The following CHCHD3 variants were observed in gnomAD, a reference collection of about 807,000 sequenced individuals.
CHCHD3 encodes the protein coiled-coil-helix-coiled-coil-helix domain containing 3.
Under a neutral mutation model 38.2 loss-of-function variants are expected in CHCHD3, and 20 were observed. That is an observed-to-expected ratio of 0.52 (90% CI 0.37 to 0.76). The LOEUF is 0.76. Ranked by LOEUF, CHCHD3 falls within the 30% of genes least tolerant of loss-of-function variation. The pLI, the probability that CHCHD3 is intolerant of heterozygous loss-of-function variation, is 0.00. For synonymous variants in CHCHD3, 82 were observed against 100.0 expected (o/e 0.82, Z 1.07); for missense variants, 245 against 279.2 (o/e 0.88, Z 0.87).
Position 132,815,089 on chromosome 7 carries a change from T to A in CHCHD3, c.525-18512A>T, listed in dbSNP as rs562242187. Among the ~76,000 whole-genome samples the A allele has an allele frequency of 1.2e-4, 19 of 152,354 alleles. No individual in the cohort carries two copies. In the South Asian group the frequency reaches 3.7e-3, roughly 30 times the overall value. ...ATAATGAAATAAAGCAATGAGAGCA[T>A]TTTATCAAGGCATTTCAACGTGATG... is the stretch of plus-strand genomic sequence containing the variant. On this transcript the variant is annotated intron_variant, in intron 6 of 7. Coordinates refer to ENST00000262570, the MANE Select transcript of CHCHD3 (RefSeq NM_017812.4).
intron 2 of CHCHD3, among the ~76,000 whole-genome samples, chr7:133,042,576 C>A (rs1813862940): frequency 6.6e-6 from 1 of 152,140 alleles, no homozygotes. Context: ...AGAAATCATT[C>A]AAAACTGGCT....
chr7:132,827,942 G>A (rs1807548668), intron 6 of CHCHD3, among the ~76,000 whole-genome samples: 1 of 152,102 alleles, frequency 6.6e-6, no homozygotes, highest in African/African-American at 2.4e-5. Flanking sequence ...AATCAGCTTT[G>A]CCATCTCTCC....
intron 5 of CHCHD3, among the ~76,000 whole-genome samples, chr7:132,866,778 G>A (rs558299274): frequency 9.2e-5 from 14 of 152,338 alleles, no homozygotes; most frequent in African/African-American, 3.4e-4. Flanking sequence ...TGGCAAGACA[G>A]ATACTATACT....
intron 2 of CHCHD3, among the ~76,000 whole-genome samples, chr7:133,055,779 G>C (rs1258402552): frequency 6.6e-6 from 1 of 151,668 alleles, no homozygotes; most frequent in African/African-American, 2.4e-5. Context: ...GGTGACTTTG[G>C]AGGTGATATC....
At chr7:133,000,796 T>G (rs1259579902) in intron 3 of CHCHD3, among the ~76,000 whole-genome samples, 1 of 152,204 alleles carries the variant, frequency 6.6e-6, no homozygotes, top group East Asian at 1.9e-4. Flanking sequence ...ATGTTATATT[T>G]GTCACACTGA....
intron 4 of CHCHD3, among the ~76,000 whole-genome samples, chr7:132,963,322 A>ATTTTTTTTTTT (rs1005146883): frequency 2.3e-5 from 2 of 87,568 alleles, no homozygotes; most frequent in East Asian, 3.4e-4. Context: ...TAAAATTGTA[A>ATTTTTTTTTTT]TTTTTTTTTT....
At chr7:133,011,448 A>G (rs757398898) in intron 3 of CHCHD3, among the ~76,000 whole-genome samples, 5 of 152,230 alleles carry the variant, frequency 3.3e-5, no homozygotes, top group South Asian at 2.1e-4. Context: ...CCTCGGAGCT[A>G]TATCAACATT....
intron 4 of CHCHD3, among the ~76,000 whole-genome samples, chr7:132,904,725 T>G (rs113404108): frequency 0.022 from 3,280 of 152,224 alleles, 143 homozygotes; most frequent in African/African-American, 0.074. Flanking sequence ...ATTTGACCCA[T>G]CCATCCCATT....
intron 7 of CHCHD3, among the ~76,000 whole-genome samples, chr7:132,794,619 C>T (rs760877091): frequency 3.3e-5 from 5 of 151,788 alleles, no homozygotes; most frequent in Non-Finnish European, 7.4e-5. Flanking sequence ...ATAAGAGCCA[C>T]GAAAACAATA....
At chr7:132,939,712 T>C (rs1810719715) in intron 4 of CHCHD3, among the ~76,000 whole-genome samples, 1 of 152,200 alleles carries the variant, frequency 6.6e-6, no homozygotes, top group Non-Finnish European at 1.5e-5. Flanking sequence ...GAAGAGGGTG[T>C]GTTCAAGTGT....
At chr7:132,849,054 G>A (rs1291457003) in intron 5 of CHCHD3, 4 of 152,224 alleles carry the variant, frequency 2.6e-5, no homozygotes, top group Admixed American at 6.5e-5. Context: ...TTTAAACTGA[G>A]TCTCGCTTTT....
intron 4 of CHCHD3, among the ~76,000 whole-genome samples, chr7:132,923,702 G>T (rs940700240): frequency 6.6e-6 from 1 of 152,026 alleles, no homozygotes; most frequent in Admixed American, 6.6e-5. Context: ...TTTCAAATAT[G>T]CCTTGTCAAT....
chr7:132,833,126 G>C (rs1807690439), intron 6 of CHCHD3, among the ~76,000 whole-genome samples: 1 of 152,164 alleles, frequency 6.6e-6, no homozygotes, highest in African/African-American at 2.4e-5. Flanking sequence ...AATTACCTAT[G>C]AGGTACAGCA....
rs1807375952 is a variant in CHCHD3, at chr7:132,821,608, T to C, written c.524+16791A>G. Among the ~76,000 whole-genome samples, 9 of 152,292 alleles carry C rather than the reference T, an allele frequency of 5.9e-5. 1 individual carries two copies. The South Asian group carries it at 1.9e-3, about 32-fold the overall frequency. On this transcript the variant is annotated intron_variant, in intron 6 of 7. Transcript: ENST00000262570. ...CAAAACTTGTAGTATATTAAACATT[T>C]GCTCTTTCTTACGTCTACTTCCTAG...
intron 3 of CHCHD3, chr7:133,022,524 G>A (rs1371899678): frequency 4.4e-6 from 2 of 456,086 alleles, no homozygotes; most frequent in Admixed American, 2.4e-5. Flanking sequence ...GAAAAATATA[G>A]CTATTGATTC....
intron 6 of CHCHD3, among the ~76,000 whole-genome samples, chr7:132,824,572 C>T (rs1052060178): frequency 3.9e-5 from 6 of 152,118 alleles, no homozygotes; most frequent in Non-Finnish European, 7.4e-5. Flanking sequence ...CCTCGGCCTC[C>T]CAAAGTGCTG....
chr7:132,913,086 C>T (rs906830142), intron 4 of CHCHD3, among the ~76,000 whole-genome samples: 7 of 152,160 alleles, frequency 4.6e-5, no homozygotes, highest in African/African-American at 9.7e-5. Context: ...TAAATCAAAA[C>T]CCCAACTGTG....
intron 6 of CHCHD3, among the ~76,000 whole-genome samples, chr7:132,828,344 A>G (rs776688382): frequency 6.6e-6 from 1 of 152,130 alleles, no homozygotes; most frequent in Non-Finnish European, 1.5e-5. Flanking sequence ...CCTGGTATCT[A>G]ATGATGTAGA....
intron 4 of CHCHD3, among the ~76,000 whole-genome samples, chr7:132,905,059 C>T (rs897230271): frequency 1.1e-4 from 16 of 145,932 alleles, no homozygotes; most frequent in South Asian, 2.2e-4. Flanking sequence ...AACACTTTGA[C>T]GCAAGGCGGG....
Sources: gnomAD v4.1 joint callset for allele counts (sites outside exome capture counted in the v4.1 genomes callset) on GRCh38, gnomAD v4.1.1 for gene constraint, MANE v1.5 for transcripts, NCBI Gene and HGNC (gene_info 2026-07-23, HGNC 2026-07-21) for gene names.